Variants in PPHLN1 observed in about 807,000 individuals in gnomAD.
The protein encoded by PPHLN1 is periphilin-1.
Under a neutral mutation model 51.3 loss-of-function variants are expected in PPHLN1, and 29 were observed. That is an observed-to-expected ratio of 0.57 (90% CI 0.42 to 0.77). The LOEUF is 0.77. PPHLN1 is among the 30% of genes least tolerant of loss of function. The pLI is 0.00. For missense variants in PPHLN1, 436 were observed against 438.4 expected (o/e 0.99, Z 0.05); for synonymous variants, 147 against 147.8 (o/e 0.99, Z 0.04).
At chr12:42,445,721 T>TA (rs1417896490), downstream of PPHLN1, 2 of 364,000 alleles carry the variant, frequency 5.5e-6, no homozygotes, top group Non-Finnish European at 9.7e-6. Flanking sequence ...ACTTCACCCT[T>TA]AAAAATATGC....
chr12:42,389,399 A>AC (rs145167768), intron 7 of PPHLN1, among the ~76,000 whole-genome samples: 67,094 of 150,056 alleles, frequency 0.45, 16,020 homozygotes, highest in Middle Eastern at 0.54. Context: ...AAACAAACAA[A>AC]AAAAAAAACA....
chr12:42,386,511 C>T (rs970356087), intron 6 of PPHLN1, among the ~76,000 whole-genome samples: 1 of 152,148 alleles, frequency 6.6e-6, no homozygotes, highest in Non-Finnish European at 1.5e-5. Flanking sequence ...GTTTCAAAGT[C>T]GTTTTATCTC....
Position 42,441,677 on chromosome 12 carries a change from T to G in PPHLN1, c.*168T>G. 1 of 1,274,470 alleles carries G rather than the reference T, an allele frequency of 7.8e-7. No homozygotes were observed. The highest frequency in any genetic ancestry group is 1.0e-6 in the Non-Finnish European group (1 of 997,308). 78.9% of individuals were successfully genotyped at this position (1,274,470 alleles called of 1,614,324 possible). A position where few individuals can be genotyped will look rare whatever the true frequency, so the allele number is the denominator to read the frequency against. ...CATCTAAAATAGTCTGTTTAAAATG[T>G]TTGATTCAAATTTTTGTATTTTTTG... On this transcript the variant is annotated 3_prime_UTR_variant, in exon 10 of 10. Coordinates refer to ENST00000358314, the MANE Select transcript of PPHLN1 (RefSeq NM_201439.2).
intron 9 of PPHLN1, among the ~76,000 whole-genome samples, chr12:42,404,670 T>G (rs2079136839): frequency 6.6e-6 from 1 of 152,136 alleles, no homozygotes. Flanking sequence ...TTGTTGTTGT[T>G]TATTTCCTTT....
chr12:42,372,607 C>G (rs1044369182), intron 4 of PPHLN1, among the ~76,000 whole-genome samples: 7 of 152,194 alleles, frequency 4.6e-5, no homozygotes, highest in Admixed American at 6.5e-5. Flanking sequence ...GCCCATTTCT[C>G]TCTTCATGGT....
At chr12:42,373,743 G>A (rs1052326405) in intron 4 of PPHLN1, among the ~76,000 whole-genome samples, 6 of 152,034 alleles carry the variant, frequency 3.9e-5, no homozygotes, top group African/African-American at 1.5e-4. Context: ...TTACTACTAG[G>A]GCTTACTTGG....
intron 4 of PPHLN1, among the ~76,000 whole-genome samples, chr12:42,362,091 TA>T (rs767993292): frequency 1.8e-4 from 28 of 152,344 alleles, no homozygotes; most frequent in Non-Finnish European, 3.1e-4. Flanking sequence ...CTCAAGAGTG[TA>T]AAGTCATATC....
chr12:42,387,427 A>G, intron 6 of PPHLN1, 29 bp from the exon 7 acceptor site: 1 of 1,571,488 alleles, frequency 6.4e-7, no homozygotes, highest in South Asian at 1.2e-5. Context: ...AGCTAGAAAA[A>G]AAATTACATC....
At chr12:42,383,983 CAAA>C (rs61016692) in intron 5 of PPHLN1, among the ~76,000 whole-genome samples, 166 of 51,544 alleles carry the variant, frequency 3.2e-3, no homozygotes, top group African/African-American at 8.2e-3. Flanking sequence ...GACTGTGTCT[CAAA>C]AAAAAAAAAA....
At chr12:42,372,214 T>C (rs2075871938) in intron 4 of PPHLN1, among the ~76,000 whole-genome samples, 1 of 152,226 alleles carries the variant, frequency 6.6e-6, no homozygotes, top group Admixed American at 6.5e-5. Context: ...CCTGTTGTGA[T>C]GTTTTTGCTT....
At chr12:42,347,864 G>A (rs2072598366) in intron 2 of PPHLN1, among the ~76,000 whole-genome samples, 1 of 152,084 alleles carries the variant, frequency 6.6e-6, no homozygotes, top group South Asian at 2.1e-4. Context: ...GATATACCTG[G>A]ATAAGACACG....
chr12:42,373,141 C>G (rs371664932), intron 4 of PPHLN1, among the ~76,000 whole-genome samples: 2 of 152,132 alleles, frequency 1.3e-5, no homozygotes, highest in African/African-American at 4.8e-5. Flanking sequence ...CCTATTAAAC[C>G]GAGAGTTCTG....
At chr12:42,445,407 C>T (rs1663781811), downstream of PPHLN1, 2 of 389,148 alleles carry the variant, frequency 5.1e-6, no homozygotes, top group Non-Finnish European at 9.4e-6. Context: ...AGGACTAGAA[C>T]CTAATCAGTT....
At position 42,441,598 on chromosome 12, in the gene PPHLN1, TG is replaced by T. The variant is rs1173922971; in HGVS notation, c.*90del. On this transcript the variant is annotated 3_prime_UTR_variant, in exon 10 of 10. Coordinates refer to ENST00000358314, the MANE Select transcript of PPHLN1 (RefSeq NM_201439.2). Reference sequence around the variant, plus strand: ...GTAAATCCTTAATATATGGAATTTTTGTGATGCAGAGAAATACTTTATGATA... The same window carrying T: ...GTAAATCCTTAATATATGGAATTTTTTGATGCAGAGAAATACTTTATGATA... 7.3e-6 allele frequency: 10 copies of T among 1,376,566 alleles called. No homozygotes were observed. The African/African-American group carries it at 1.2e-4, about 16-fold the overall frequency. The allele number at this position is 1,376,566 out of a possible 1,614,324, so 85.3% of individuals were successfully genotyped here.
At chr12:42,395,665 C>G (rs968800869) in intron 8 of PPHLN1, among the ~76,000 whole-genome samples, 1 of 151,984 alleles carries the variant, frequency 6.6e-6, no homozygotes, top group African/African-American at 2.4e-5. Flanking sequence ...CCTTTGATGC[C>G]AAGCAAGAGT....
At chr12:42,438,562 T>C (rs2082673001) in intron 9 of PPHLN1, among the ~76,000 whole-genome samples, 1 of 152,124 alleles carries the variant, frequency 6.6e-6, no homozygotes, top group African/African-American at 2.4e-5. Context: ...TTTTTGCCTG[T>C]TTTATAATTG....
At chr12:42,390,897 C>T (rs1277433983) in intron 7 of PPHLN1, among the ~76,000 whole-genome samples, 1 of 144,930 alleles carries the variant, frequency 6.9e-6, no homozygotes, top group Non-Finnish European at 1.5e-5. Context: ...AACTCCTGGT[C>T]TCAAATGATC....
At chr12:42,344,587 A>C (rs2071989313) in intron 2 of PPHLN1, among the ~76,000 whole-genome samples, 1 of 152,210 alleles carries the variant, frequency 6.6e-6, no homozygotes, top group African/African-American at 2.4e-5. Flanking sequence ...TTTTAAATTA[A>C]ATGATTTTAT....
chr12:42,383,758 A>G (rs1360615930), intron 5 of PPHLN1, among the ~76,000 whole-genome samples: 2 of 152,078 alleles, frequency 1.3e-5, no homozygotes, highest in African/African-American at 4.8e-5. Context: ...AGGCGGGTGG[A>G]TCACGAGGTT....
Sources: allele counts gnomAD v4.1 joint callset (sites outside exome capture counted in the v4.1 genomes callset), GRCh38; gene constraint gnomAD v4.1.1; transcripts MANE v1.5; gene names NCBI Gene and HGNC (gene_info 2026-07-23, HGNC 2026-07-21).